GLDC: variants seen among roughly 807,000 people sequenced by gnomAD.
GLDC encodes glycine decarboxylase, also known as glycine dehydrogenase (decarboxylating), mitochondrial.
A neutral mutation model predicts 121.3 loss-of-function variants in GLDC; 104 were observed. The ratio of observed to expected loss-of-function variants is 0.86; its 90% CI spans 0.73 to 1.01. The LOEUF (loss-of-function observed/expected upper bound fraction) is 1.01. GLDC is among the 50% of genes least tolerant of loss of function. The pLI is 0.00. For missense variants in GLDC, 1,429 were observed against 1,306.6 expected (o/e 1.09, Z -1.44); for synonymous variants, 546 against 480.6 (o/e 1.14, Z -1.78).
chr9:6,548,124 C>T (rs1248622462), intron 21 of GLDC, among the ~76,000 whole-genome samples: 1 of 151,992 alleles, frequency 6.6e-6, no homozygotes, highest in Non-Finnish European at 1.5e-5. Context: ...GGACAACAAA[C>T]TAATAAAACT....
chr9:6,623,424 C>G (rs893324107), intron 2 of GLDC, among the ~76,000 whole-genome samples: 1 of 147,994 alleles, frequency 6.8e-6, no homozygotes, highest in Non-Finnish European at 1.5e-5. Flanking sequence ...GCAGCATGCT[C>G]GTTAAGAGTC....
intron 21 of GLDC, among the ~76,000 whole-genome samples, chr9:6,545,097 C>T (rs938567321): frequency 3.2e-5 from 3 of 93,728 alleles, no homozygotes; most frequent in Non-Finnish European, 6.0e-5. Flanking sequence ...GAAACTCTGT[C>T]TCAAAAAAAA....
At chr9:6,550,229 T>C (rs956366093) in intron 21 of GLDC, among the ~76,000 whole-genome samples, 1 of 152,240 alleles carries the variant, frequency 6.6e-6, no homozygotes, top group Admixed American at 6.5e-5. Flanking sequence ...ATGGTATTTA[T>C]GTACACATTT....
intron 21 of GLDC, among the ~76,000 whole-genome samples, chr9:6,545,438 C>T (rs1048208292): frequency 6.6e-6 from 1 of 152,002 alleles, no homozygotes; most frequent in Admixed American, 6.6e-5. Context: ...AAAAATGGTA[C>T]ATCTGTGTAG....
chr9:6,539,785 A>C (rs987514834), intron 22 of GLDC, among the ~76,000 whole-genome samples: 1 of 152,150 alleles, frequency 6.6e-6, no homozygotes, highest in African/African-American at 2.4e-5. Context: ...ACTCACTGCA[A>C]CTCAAAGGGG....
intron 15 of GLDC, 114 bp from the exon 16 acceptor site, chr9:6,565,543 G>C: frequency 1.2e-6 from 1 of 804,480 alleles, no homozygotes; most frequent in South Asian, 1.4e-5. Flanking sequence ...CATGGTCACT[G>C]TCCAGACGCT....
chr9:6,622,308 G>A (rs151006688), intron 2 of GLDC, among the ~76,000 whole-genome samples: 1,824 of 150,620 alleles, frequency 0.012, 23 homozygotes, highest in African/African-American at 0.036. Flanking sequence ...GCTGGACTGT[G>A]CTGCTGCCAT....
rs555289645 is a variant in GLDC, at chr9:6,581,957, G to A, written c.1850+5184C>T. On this transcript the variant is annotated intron_variant, in intron 15 of 24. Coordinates refer to ENST00000321612, the MANE Select transcript of GLDC (RefSeq NM_000170.3). ...TAGGCTGGGCGTGGTGTTCCCGCCT[G>A]TAACCCCAGCACCTTGGGAGGCTGA... Among the ~76,000 whole-genome samples the A allele has an allele frequency of 5.0e-4, 76 of 152,222 alleles. 3 individuals carry two copies. In the South Asian group the frequency reaches 5.4e-3, roughly 11 times the overall value.
intron 20 of GLDC, among the ~76,000 whole-genome samples, chr9:6,551,641 G>C (rs1223786225): frequency 6.6e-6 from 1 of 152,184 alleles, no homozygotes; most frequent in Middle Eastern, 3.2e-3. Context: ...CATTGCTCCA[G>C]GCTGGTCAAA....
intron 2 of GLDC, among the ~76,000 whole-genome samples, chr9:6,623,632 G>C (rs1443341636): frequency 6.6e-6 from 1 of 152,092 alleles, no homozygotes; most frequent in Non-Finnish European, 1.5e-5. Flanking sequence ...AATAAAAAAA[G>C]AGAGAGATAT....
chr9:6,633,729 T>A (rs545223526), intron 2 of GLDC, among the ~76,000 whole-genome samples: 38 of 150,358 alleles, frequency 2.5e-4, no homozygotes, highest in African/African-American at 9.0e-4. Flanking sequence ...GAGACCAGCC[T>A]GGCCAACACA....
intron 14 of GLDC, among the ~76,000 whole-genome samples, chr9:6,587,611 CTT>C (rs1818296463): frequency 6.6e-6 from 1 of 152,128 alleles, no homozygotes; most frequent in African/African-American, 2.4e-5. Flanking sequence ...GGCATAAACT[CTT>C]ATATAGCAAT....
At chr9:6,558,102 T>C (rs1003941844) in intron 17 of GLDC, 1 of 241,914 alleles carries the variant, frequency 4.1e-6, no homozygotes, top group Non-Finnish European at 8.0e-6. Flanking sequence ...TCCTGGAGGT[T>C]GGGAGGTTGA....
At chr9:6,625,235 C>A (rs545825576) in intron 2 of GLDC, among the ~76,000 whole-genome samples, 9 of 152,058 alleles carry the variant, frequency 5.9e-5, no homozygotes, top group Non-Finnish European at 1.2e-4. Context: ...CAAACCAGCA[C>A]CGCCAGTTAT....
intron 10 of GLDC, 54 bp downstream of exon 10, chr9:6,592,797 A>C: frequency 6.5e-7 from 1 of 1,529,734 alleles, no homozygotes; most frequent in South Asian, 1.1e-5. Context: ...CCTTTTAATG[A>C]GAAACAATGT....
At chr9:6,618,871 C>T (rs555886817) in intron 3 of GLDC, among the ~76,000 whole-genome samples, 2 of 151,162 alleles carry the variant, frequency 1.3e-5, no homozygotes, top group South Asian at 2.2e-4. Flanking sequence ...TGGCTGGGCG[C>T]GGTGGCTCAC....
At chr9:6,553,831 C>A (rs1817563543) in intron 19 of GLDC, among the ~76,000 whole-genome samples, 1 of 152,142 alleles carries the variant, frequency 6.6e-6, no homozygotes, top group African/African-American at 2.4e-5. Context: ...CCCCTATACA[C>A]TTTCCCAAGA....
intron 15 of GLDC, among the ~76,000 whole-genome samples, chr9:6,570,778 C>T (rs113851375): frequency 6.8e-6 from 1 of 147,868 alleles, no homozygotes; most frequent in Non-Finnish European, 1.5e-5. Context: ...CACTTGAACC[C>T]AGCAGGTGGA....
At chr9:6,599,304 G>A (rs749644736) in intron 8 of GLDC, among the ~76,000 whole-genome samples, 5 of 152,096 alleles carry the variant, frequency 3.3e-5, no homozygotes, top group African/African-American at 4.8e-5. Context: ...ATGATCAGAC[G>A]GAAACCTGGA....
Sources: allele counts gnomAD v4.1 joint callset (sites outside exome capture counted in the v4.1 genomes callset), GRCh38; gene constraint gnomAD v4.1.1; transcripts MANE v1.5; gene names NCBI Gene and HGNC (gene_info 2026-07-23, HGNC 2026-07-21).